The following OAS3 variants were observed in gnomAD, a reference collection of about 807,000 sequenced individuals.
OAS3 encodes 2'-5'-oligoadenylate synthetase 3, also known as 2'-5'-oligoadenylate synthase 3.
In OAS3, 107 loss-of-function variants were observed where a neutral mutation model predicts 113.0. The ratio of observed to expected loss-of-function variants is 0.95; its 90% CI spans 0.81 to 1.11. The LOEUF (loss-of-function observed/expected upper bound fraction) is 1.11. Among genes scored for constraint, OAS3 ranks in the 50% most tolerant of loss-of-function variants. The pLI is 0.00. For synonymous variants in OAS3, 552 were observed against 573.6 expected (o/e 0.96, Z 0.54); for missense variants, 1,258 against 1,389.1 (o/e 0.91, Z 1.50).
chr12:112,949,310 C>T (rs919043743), intron 6 of OAS3, 105 bp downstream of exon 6: 15 of 931,038 alleles, frequency 1.6e-5, no homozygotes, highest in East Asian at 7.6e-5. Flanking sequence ...GGGAACTGGA[C>T]GGCCCAGGAA....
intron 8 of OAS3, among the ~76,000 whole-genome samples, chr12:112,962,373 A>G (rs1036155773): frequency 2.6e-5 from 4 of 152,232 alleles, no homozygotes; most frequent in African/African-American, 9.6e-5. Flanking sequence ...GTCTTCAATT[A>G]GAGTTACACA....
rs1181855235 is a variant in OAS3 at position 112,972,515 on chromosome 12, G to A, written c.*2542G>A. ...TATGCTTTTCGATGGAACCAGGTAA[G>A]TTGACGCTAAAGTTCTTATGGAAAA... is the stretch of plus-strand genomic sequence containing the variant. On this transcript the variant is annotated 3_prime_UTR_variant, in exon 16 of 16. Transcript: ENST00000228928. 1 of 152,220 alleles carries A rather than the reference G, an allele frequency of 6.6e-6. No homozygotes were observed. Among genetic ancestry groups the A allele is most frequent in the Admixed American group, 6.5e-5 (1 of 15,288 alleles). 9.4% of individuals were successfully genotyped at this position (152,220 alleles called of 1,614,324 possible).
Position 112,944,657 on chromosome 12 carries a change from G to C in OAS3, c.636+6G>C. 1 of 1,613,920 alleles carries C rather than the reference G, an allele frequency of 6.2e-7. No homozygotes were observed. Among genetic ancestry groups the C allele is most frequent in the South Asian group, 1.1e-5 (1 of 91,082 alleles). ...TGAAGCACTGGTACCACCAGGTGAAGCCACTTGGAAGGGTTTCTCCAGACA... is the reference window on the plus strand; with the variant it reads ...TGAAGCACTGGTACCACCAGGTGAACCCACTTGGAAGGGTTTCTCCAGACA... On this transcript the variant is annotated splice_donor_region_variant and intron_variant, in intron 3 of 15. Transcript: ENST00000228928.
Position 112,946,982 on chromosome 12 carries a change from G to A in OAS3, c.875+1G>A, listed in dbSNP as rs2043739124. ...TGCAGCGGCAGCTTAAGAGACCCAG[G>A]TACTTCCTAATAGCCCACCATCTGC... On this transcript the variant is annotated splice_donor_variant, in intron 4 of 15. Coordinates refer to ENST00000228928, the MANE Select transcript of OAS3 (RefSeq NM_006187.4). LOFTEE classifies it high-confidence loss of function. 6.2e-7 allele frequency: 1 copy of A among 1,612,676 alleles called. No homozygotes were observed. The highest frequency in any genetic ancestry group is 2.2e-5 in the East Asian group (1 of 44,894).
At position 112,967,586 on chromosome 12, in the gene OAS3, A is replaced by G. The variant is rs1329146823; in HGVS notation, c.2858A>G (p.Tyr953Cys). The G allele has an allele frequency of 1.9e-6, 3 of 1,613,160 alleles. No homozygotes were observed. Among genetic ancestry groups the G allele is most frequent in the East Asian group, 2.2e-5 (1 of 44,870 alleles). The change falls in exon 13 of 16, where the codon TAC (tyrosine) becomes TGC (cysteine). Residue 953 changes from tyrosine to cysteine, a missense_variant. Coordinates refer to ENST00000228928, the MANE Select transcript of OAS3 (RefSeq NM_006187.4). Reference sequence around the variant, plus strand: ...CTGATCCGGCTGGTGAAGCACTGGTACCAGCAGGTTCGGCACATGGATAGG... The same window carrying G: ...CTGATCCGGCTGGTGAAGCACTGGTGCCAGCAGGTTCGGCACATGGATAGG... ...KSLIRLVKHW[Y>C]QQCTKISKGR...
At position 112,971,576 on chromosome 12, in the gene OAS3, A is replaced by G. The variant is rs1392085294; in HGVS notation, c.*1603A>G. ...GAACAGGAAACAAAGAAAGGAAGCC[A>G]CTGAACATCCCTTCTCTGCTCCACA... On this transcript the variant is annotated 3_prime_UTR_variant, in exon 16 of 16. Transcript: ENST00000228928. The G allele has an allele frequency of 6.6e-6, 1 of 152,372 alleles. No homozygotes were observed. The highest frequency in any genetic ancestry group is 2.4e-5 in the African/African-American group (1 of 41,468). The allele number at this position is 152,372 out of a possible 1,614,324, so 9.4% of individuals were successfully genotyped here.
At chr12:112,959,572 A>G (rs1368142706) in intron 7 of OAS3, among the ~76,000 whole-genome samples, 1 of 152,050 alleles carries the variant, frequency 6.6e-6, no homozygotes, top group African/African-American at 2.4e-5. Flanking sequence ...AGTTTTAGGG[A>G]GAGGTCTTCC....
At chr12:112,947,036 A>C in intron 4 of OAS3, 55 bp downstream of exon 4, 1 of 1,470,726 alleles carries the variant, frequency 6.8e-7, no homozygotes, top group Non-Finnish European at 9.4e-7. Context: ...GGGGGAGATA[A>C]TTGACAAGGA....
At position 112,961,154 on chromosome 12, in the gene OAS3, G is replaced by T. The variant is rs753205520; in HGVS notation, c.1741G>T (p.Ala581Ser). Residue 581 changes from alanine (A) to serine (S), a missense_variant, in exon 8 of 16, where the codon GCC becomes TCC. By Grantham distance (99) the Ala-to-Ser change is moderately conservative. Transcript: ENST00000228928. ...TSGCQEGEHK[A>S]CFAELRRNFM... is the part of the protein sequence containing the mutation. ...TGGCTGCCAGGAGGGCGAGCATAAG[G>T]CCTGCTTCGCAGAGCTGCGGAGGAA... 6.2e-7 allele frequency: 1 copy of T among 1,613,340 alleles called. No homozygotes were observed. Among genetic ancestry groups the T allele is most frequent in the Non-Finnish European group, 8.5e-7 (1 of 1,179,898 alleles).
At chr12:112,942,944 A>G (rs1212810701) in intron 2 of OAS3, among the ~76,000 whole-genome samples, 2 of 151,626 alleles carry the variant, frequency 1.3e-5, no homozygotes, top group South Asian at 2.1e-4. Context: ...ACACACACGC[A>G]CACACATTTT....
Position 112,963,782 on chromosome 12 carries a change from C to T in OAS3, c.2229+325C>T, listed in dbSNP as rs2043910384. Among the ~76,000 whole-genome samples, 1 of 152,206 alleles carries T rather than the reference C, an allele frequency of 6.6e-6. No individual in the cohort carries two copies. The highest frequency in any genetic ancestry group is 2.4e-5 in the African/African-American group (1 of 41,462). ...AGCACCCAGCTTTGCTGAGCCTCTT[C>T]TCTGCCCTCTGCTGCTGTCCTTGTT... On this transcript the variant is annotated intron_variant, in intron 10 of 15. Coordinates refer to ENST00000228928, the MANE Select transcript of OAS3 (RefSeq NM_006187.4). This position sits in a 1 kb window ranked among gnomAD's most constrained non-coding sequence, Gnocchi z 4.6.
At chr12:112,953,282 C>G (rs1376743785) in intron 7 of OAS3, among the ~76,000 whole-genome samples, 2 of 152,170 alleles carry the variant, frequency 1.3e-5, no homozygotes, top group Non-Finnish European at 2.9e-5. Flanking sequence ...ATGATGGTTT[C>G]CAACTTCATC....
chr12:112,953,950 T>G lies in OAS3; in HGVS notation c.1657+2975T>G, dbSNP rs966876656. ...CCCATTCTGTAGGTTGCTTGTTCAC[T>G]CTGATGGTAGTTTCTTTTGCTGTGC... On this transcript the variant is annotated intron_variant, in intron 7 of 15. Coordinates refer to ENST00000228928, the MANE Select transcript of OAS3 (RefSeq NM_006187.4). Among the ~76,000 whole-genome samples the G allele has an allele frequency of 2.1e-4, 32 of 152,390 alleles. 3 individuals carry two copies. Among genetic ancestry groups the G allele is most frequent in the South Asian group, 1.0e-3 (5 of 4,834 alleles).
chr12:112,957,434 T>C (rs1052573384), intron 7 of OAS3, among the ~76,000 whole-genome samples: 1 of 152,250 alleles, frequency 6.6e-6, no homozygotes, highest in Non-Finnish European at 1.5e-5. Context: ...CTAGCATCGA[T>C]GGTCTTTACA....
intron 2 of OAS3, among the ~76,000 whole-genome samples, chr12:112,943,664 TG>T (rs1350363994): frequency 6.6e-6 from 1 of 152,166 alleles, no homozygotes; most frequent in Non-Finnish European, 1.5e-5. Context: ...AGGGTTGTGG[TG>T]GGGATACATG....
rs2043765967 is a variant in OAS3, at chr12:112,949,160, C to G, written c.1329C>G (p.Arg443=). Residue 443 remains arginine (R), a synonymous_variant, in exon 6 of 16, where the codon CGC becomes CGG. Coordinates refer to ENST00000228928, the MANE Select transcript of OAS3 (RefSeq NM_006187.4). ...AAAAGGCCATTGACATCATCTTGCG[C>G]TGCCTCCATGAGAACTGTGTTCACA... is the stretch of plus-strand genomic sequence containing the variant. The part of the protein sequence containing the change: ...QVKKAIDIIL[R]CLHENCVHKA... 3.1e-6 allele frequency: 5 copies of G among 1,613,560 alleles called. No homozygotes were observed. Among genetic ancestry groups the G allele is most frequent in the Non-Finnish European group, 4.2e-6 (5 of 1,179,868 alleles).
At chr12:112,941,235 G>A (rs1411873172) in intron 1 of OAS3, among the ~76,000 whole-genome samples, 3 of 152,168 alleles carry the variant, frequency 2.0e-5, no homozygotes, top group Non-Finnish European at 2.9e-5. Context: ...GCATGGTAGC[G>A]TGTGCCTGTA....
intron 7 of OAS3, among the ~76,000 whole-genome samples, chr12:112,960,757 GAC>G (rs2043875704): frequency 6.6e-6 from 1 of 152,084 alleles, no homozygotes; most frequent in East Asian, 1.9e-4. Context: ...ACCACTATGT[GAC>G]ACAGCTTTTC....
intron 8 of OAS3, among the ~76,000 whole-genome samples, chr12:112,961,607 C>T (rs932970895): frequency 2.0e-5 from 3 of 152,112 alleles, no homozygotes; most frequent in Non-Finnish European, 4.4e-5. Flanking sequence ...ACTCCCCTTT[C>T]TGGAAGCCTA....
Sources: allele counts gnomAD v4.1 joint callset (sites outside exome capture counted in the v4.1 genomes callset), GRCh38; gene constraint gnomAD v4.1.1; non-coding constraint Gnocchi (gnomAD v3.1); transcripts MANE v1.5; gene names NCBI Gene and HGNC (gene_info 2026-07-23, HGNC 2026-07-21).